Variants in BCL2L11 observed in about 807,000 individuals in gnomAD.
BCL2L11 encodes bcl-2-like protein 11.
BCL2L11 carries 15 observed loss-of-function variants against 20.6 expected under a neutral mutation model. The ratio of observed to expected loss-of-function variants is 0.73; its 90% CI spans 0.49 to 1.12. The LOEUF (loss-of-function observed/expected upper bound fraction) is 1.12. BCL2L11 is among the 50% of genes most tolerant of loss of function. The pLI is 0.00. For synonymous variants in BCL2L11, 108 were observed against 92.8 expected (o/e 1.16, Z -0.94); for missense variants, 292 against 260.9 (o/e 1.12, Z -0.82).
chr2:111,153,814 A>C, intron 3 of BCL2L11: 1 of 1,552,066 alleles, frequency 6.4e-7, no homozygotes, highest in South Asian at 1.2e-5. Flanking sequence ...TGTAGTTGTC[A>C]TGTATTCAGT....
At chr2:111,129,255 C>A (rs2073374370) in intron 2 of BCL2L11, among the ~76,000 whole-genome samples, 1 of 152,194 alleles carries the variant, frequency 6.6e-6, no homozygotes, top group Non-Finnish European at 1.5e-5. Flanking sequence ...ATAGAGGTGT[C>A]TTCGAGGGAG....
chr2:111,158,026 G>A (rs1382864387), intron 3 of BCL2L11, among the ~76,000 whole-genome samples: 1 of 152,278 alleles, frequency 6.6e-6, no homozygotes, highest in Admixed American at 6.5e-5. Context: ...AGTGGATTTG[G>A]TGTTGGGCAG....
chr2:111,139,284 G>A (rs935378636), intron 2 of BCL2L11, among the ~76,000 whole-genome samples: 12 of 152,156 alleles, frequency 7.9e-5, no homozygotes, highest in African/African-American at 1.7e-4. Flanking sequence ...CCACCCCAGC[G>A]CTGTCTGAAT....
chr2:111,138,446 C>T (rs1369324250), intron 2 of BCL2L11, among the ~76,000 whole-genome samples: 2 of 152,144 alleles, frequency 1.3e-5, no homozygotes, highest in Admixed American at 6.5e-5. Context: ...TTGTTTTTGG[C>T]ATTCCCAGCA....
chr2:111,150,081 A>G lies in BCL2L11; in HGVS notation c.432A>G (p.Pro144=), dbSNP rs2150500136. ...AGGCTGAACCTGCAGATATGCGCCC[A>G]GAGATATGGATCGCCCAAGAGTTGC... is the stretch of plus-strand genomic sequence containing the variant. ...MRQAEPADMR[P]EIWIAQELRR... The change falls in exon 3 of 4, where the codon CCA becomes CCG. Residue 144 remains proline (P), a synonymous_variant. Transcript: ENST00000393256. 6.2e-7 allele frequency: 1 copy of G among 1,614,062 alleles called. No homozygotes were observed. Among genetic ancestry groups the G allele is most frequent in the Non-Finnish European group, 8.5e-7 (1 of 1,179,940 alleles).
At chr2:111,146,169 G>C in intron 2 of BCL2L11, 2 of 985,202 alleles carry the variant, frequency 2.0e-6, no homozygotes, top group Non-Finnish European at 2.4e-6. Flanking sequence ...TAAAAATGCA[G>C]CTCATCAGAA....
intron 2 of BCL2L11, among the ~76,000 whole-genome samples, chr2:111,127,148 C>A (rs2072805927): frequency 6.6e-6 from 1 of 152,070 alleles, no homozygotes; most frequent in South Asian, 2.1e-4. Context: ...ACAAATGATA[C>A]CTTAGTGAAT....
chr2:111,158,876 T>TA (rs967458703), intron 3 of BCL2L11, among the ~76,000 whole-genome samples: 9 of 152,254 alleles, frequency 5.9e-5, no homozygotes, highest in Non-Finnish European at 1.2e-4. Flanking sequence ...ACCTTTTTTT[T>TA]TAAATTGTGT....
At position 111,145,911 on chromosome 2, in the gene BCL2L11, A is replaced by G. The variant is rs1057291592; in HGVS notation, c.395-4133A>G. ...ATATTGCATTATAAAAGTTTTGATT[A>G]GTGGCTTTCTTTTTTTTTTTTTTTT... is the stretch of plus-strand genomic sequence containing the variant. On this transcript the variant is annotated intron_variant, in intron 2 of 3. Coordinates refer to ENST00000393256, the MANE Select transcript of BCL2L11 (RefSeq NM_138621.5). 3.3e-6 allele frequency: 3 copies of G among 919,960 alleles called. No individual in the cohort carries two copies. The African/African-American group carries it at 5.7e-5, about 18-fold the overall frequency. 57.0% of individuals were successfully genotyped at this position (919,960 alleles called of 1,614,324 possible). A position where few individuals can be genotyped will look rare whatever the true frequency, so the allele number is the denominator to read the frequency against.
intron 2 of BCL2L11, chr2:111,145,858 CT>C: frequency 1.6e-6 from 1 of 627,916 alleles, no homozygotes; most frequent in Non-Finnish European, 2.0e-6. Flanking sequence ...AGTGGACACA[CT>C]TTTGGCAAAA....
chr2:111,157,156 G>C (rs1311741623), intron 3 of BCL2L11, among the ~76,000 whole-genome samples: 2 of 152,204 alleles, frequency 1.3e-5, no homozygotes, highest in African/African-American at 4.8e-5. Flanking sequence ...TACACCTGCA[G>C]GGCTGCCTTG....
chr2:111,155,190 A>G (rs2077680418), intron 3 of BCL2L11, among the ~76,000 whole-genome samples: 1 of 152,190 alleles, frequency 6.6e-6, no homozygotes, highest in African/African-American at 2.4e-5. Flanking sequence ...GAAACTAAAT[A>G]TTTTGGAATT....
At chr2:111,122,692 G>C in intron 1 of BCL2L11, 1 of 982,784 alleles carries the variant, frequency 1.0e-6, no homozygotes, top group Middle Eastern at 5.2e-4. Flanking sequence ...GCGCGGGCCA[G>C]AGGCGCGGCG....
chr2:111,146,167 C>G, intron 2 of BCL2L11: 5 of 985,200 alleles, frequency 5.1e-6, no homozygotes, highest in Non-Finnish European at 6.0e-6. Flanking sequence ...GGTAAAAATG[C>G]AGCTCATCAG....
chr2:111,136,886 C>T (rs910103500), intron 2 of BCL2L11, among the ~76,000 whole-genome samples: 2 of 152,202 alleles, frequency 1.3e-5, no homozygotes, highest in Non-Finnish European at 2.9e-5. Context: ...CTCCTTTTTA[C>T]TCTCCATGTG....
At chr2:111,140,097 G>C (rs903770803) in intron 2 of BCL2L11, among the ~76,000 whole-genome samples, 1 of 152,222 alleles carries the variant, frequency 6.6e-6, no homozygotes, top group African/African-American at 2.4e-5. Flanking sequence ...TGAGGAAACC[G>C]AACTTGGGGA....
intron 1 of BCL2L11, 47 bp from the exon 2 acceptor site, chr2:111,123,686 A>AT (rs372903612): frequency 0.079 from 81,919 of 1,032,934 alleles, 674 homozygotes; most frequent in Non-Finnish European, 0.086. Context: ...TTATTCATCG[A>AT]TTTTTTTTTT....
chr2:111,145,920 CTTTTTTT>C (rs58738963), intron 2 of BCL2L11: 575 of 733,162 alleles, frequency 7.8e-4, no homozygotes, highest in South Asian at 2.6e-3. Flanking sequence ...TAGTGGCTTT[CTTTTTTT>C]TTTTTTTTTT....
intron 2 of BCL2L11, chr2:111,144,569 T>C: frequency 6.6e-7 from 1 of 1,523,456 alleles, no homozygotes; most frequent in Non-Finnish European, 8.9e-7. Flanking sequence ...GCTTCCCTCC[T>C]CTTGTAAGCT....
Sources: allele counts gnomAD v4.1 joint callset (sites outside exome capture counted in the v4.1 genomes callset), GRCh38; gene constraint gnomAD v4.1.1; transcripts MANE v1.5; gene names NCBI Gene and HGNC (gene_info 2026-07-23, HGNC 2026-07-21).